Variants in ALK observed in about 807,000 individuals in gnomAD.
ALK encodes the protein ALK tyrosine kinase receptor.
A neutral mutation model predicts 163.1 loss-of-function variants in ALK; 74 were observed. That is an observed-to-expected ratio of 0.45 (90% CI 0.38 to 0.55). The LOEUF (loss-of-function observed/expected upper bound fraction) is 0.55. ALK is among the 20% of genes least tolerant of loss of function. ALK has a pLI of 0.00. For synonymous variants in ALK, 960 were observed against 843.2 expected, an observed-to-expected ratio of 1.14 and a Z score of -2.40; for missense variants, 2,063 against 2,105.3, an observed-to-expected ratio of 0.98 and a Z score of 0.39.
chr2:29,233,712 G>A lies in ALK; in HGVS notation c.2356-16C>T, dbSNP rs551864909. 138 of 1,614,198 alleles carry A rather than the reference G, an allele frequency of 8.5e-5. 3 individuals are homozygous for A. In the South Asian group the frequency reaches 1.5e-3, roughly 18 times the overall value. On this transcript the variant is annotated splice_polypyrimidine_tract_variant and intron_variant, in intron 13 of 28. Coordinates refer to ENST00000389048, the MANE Select transcript of ALK (RefSeq NM_004304.5). ...ACTGGTTTGTCTGTAGAAACAAAAA[G>A]CACGTTAGGTTTGTGGCCAAACCAG... is the stretch of plus-strand genomic sequence containing the variant.
At chr2:29,221,992 G>A (rs1397729219) in intron 22 of ALK, among the ~76,000 whole-genome samples, 3 of 152,224 alleles carry the variant, frequency 2.0e-5, no homozygotes, top group Non-Finnish European at 1.5e-5. Flanking sequence ...ACTGGGATTG[G>A]TGAAGGGTCT....
At chr2:29,329,408 G>A (rs935606209) in intron 5 of ALK, among the ~76,000 whole-genome samples, 1 of 152,218 alleles carries the variant, frequency 6.6e-6, no homozygotes, top group South Asian at 2.1e-4. Flanking sequence ...CTGCTACTCA[G>A]TTCTTGGCTG....
At chr2:29,284,982 A>C (rs767072387) in intron 9 of ALK, among the ~76,000 whole-genome samples, 8 of 152,264 alleles carry the variant, frequency 5.3e-5, no homozygotes, top group Middle Eastern at 3.4e-3. Context: ...TACCCTGCCA[A>C]CCTTAGGGAT....
At chr2:29,325,032 C>T (rs1458614894) in intron 6 of ALK, among the ~76,000 whole-genome samples, 12 of 152,158 alleles carry the variant, frequency 7.9e-5, no homozygotes, top group African/African-American at 2.7e-4. Flanking sequence ...GTTTGCAGCC[C>T]CAGCATGTGC....
At chr2:29,895,076 A>G (rs1667235563) in intron 1 of ALK, among the ~76,000 whole-genome samples, 1 of 152,210 alleles carries the variant, frequency 6.6e-6, no homozygotes, top group Non-Finnish European at 1.5e-5. Context: ...TGTCATCATT[A>G]TCCATAATGT....
intron 2 of ALK, among the ~76,000 whole-genome samples, chr2:29,703,927 T>G (rs888037939): frequency 1.3e-5 from 2 of 152,160 alleles, no homozygotes; most frequent in African/African-American, 4.8e-5. Flanking sequence ...GTTGCAGAAG[T>G]CTTTCTGAAT....
intron 5 of ALK, among the ~76,000 whole-genome samples, chr2:29,382,841 G>A (rs1373264743): frequency 6.6e-6 from 1 of 152,130 alleles, no homozygotes; most frequent in African/African-American, 2.4e-5. Flanking sequence ...AACCAGTTTT[G>A]ATTAAACAAC....
At chr2:29,852,155 T>C (rs1052833405) in intron 1 of ALK, among the ~76,000 whole-genome samples, 9 of 152,198 alleles carry the variant, frequency 5.9e-5, no homozygotes, top group South Asian at 2.1e-4. Flanking sequence ...TCCAATGACC[T>C]GTGGCACAGA....
chr2:29,710,372 C>T (rs996484048), intron 2 of ALK, among the ~76,000 whole-genome samples: 1 of 152,148 alleles, frequency 6.6e-6, no homozygotes, highest in Non-Finnish European at 1.5e-5. Flanking sequence ...TGGTTCTCCT[C>T]CTGTCTCCCA....
rs1033912286 is a variant in ALK, at chr2:29,473,968, A to C, written c.1154+57947T>G. On this transcript the variant is annotated intron_variant, in intron 4 of 28. Transcript: ENST00000389048. ...GTTGAGACTATGGAGCACATTCTCA[A>C]TACATTGCTGGGAGGAGTTAAGTTG... Among the ~76,000 whole-genome samples, 3 of 152,362 alleles carry C rather than the reference A, an allele frequency of 2.0e-5. No individual in the cohort carries two copies. In the South Asian group the frequency reaches 6.2e-4, roughly 32 times the overall value.
chr2:29,614,490 CT>C (rs977944284), intron 3 of ALK, among the ~76,000 whole-genome samples: 1 of 152,224 alleles, frequency 6.6e-6, no homozygotes, highest in Non-Finnish European at 1.5e-5. Flanking sequence ...AGATTCCCCT[CT>C]CTGTAGACTG....
Position 29,226,983 on chromosome 2 carries a change from G to A in ALK, c.3006C>T (p.His1002=). 2 of 1,614,224 alleles carry A rather than the reference G, an allele frequency of 1.2e-6. No individual in the cohort carries two copies. The highest frequency in any genetic ancestry group is 1.7e-6 in the Non-Finnish European group (2 of 1,180,042). The change falls in exon 18 of 29, where the codon CAC becomes CAT. Residue 1002 remains histidine (H), a synonymous_variant. Coordinates refer to ENST00000389048, the MANE Select transcript of ALK (RefSeq NM_004304.5). ...CGTGGTCACAGAAGCAGATGACCTT[G>A]TGGCTTTCAGGGTCCATGTGACATT... ...VDECHMDPES[H]KVICFCDHGT... is the part of the protein sequence containing the mutation.
Position 29,592,727 on chromosome 2 carries a change from C to G in ALK, c.953-60611G>C, listed in dbSNP as rs114594275. Among the ~76,000 whole-genome samples, 754 of 152,296 alleles carry G rather than the reference C, an allele frequency of 5.0e-3. 3 individuals are homozygous for G. The highest frequency in any genetic ancestry group is 0.017 in the African/African-American group (726 of 41,556). On this transcript the variant is annotated intron_variant, in intron 3 of 28. Coordinates refer to ENST00000389048, the MANE Select transcript of ALK (RefSeq NM_004304.5). ...CTGCAAGGGAGACCTTGTGTGGTAA[C>G]AGCGTCTTTGCAGATGTAATTAAGC...
At chr2:29,778,463 G>T (rs895161379) in intron 1 of ALK, among the ~76,000 whole-genome samples, 15 of 152,204 alleles carry the variant, frequency 9.9e-5, no homozygotes, top group African/African-American at 3.1e-4. Flanking sequence ...AGGAGGTGGA[G>T]TTCTGTGTGC....
chr2:29,224,077 G>T (rs1388403713), intron 19 of ALK, among the ~76,000 whole-genome samples: 1 of 152,230 alleles, frequency 6.6e-6, no homozygotes, highest in Admixed American at 6.5e-5. Flanking sequence ...GAATTGGCCT[G>T]CCTTAGTATT....
At chr2:29,437,989 C>T (rs1459176210) in intron 4 of ALK, among the ~76,000 whole-genome samples, 1 of 152,108 alleles carries the variant, frequency 6.6e-6, no homozygotes, top group Admixed American at 6.6e-5. Context: ...TATATTAATA[C>T]TCATTTTCCA....
chr2:29,766,893 C>A (rs548605423), intron 1 of ALK, among the ~76,000 whole-genome samples: 1 of 152,200 alleles, frequency 6.6e-6, no homozygotes, highest in African/African-American at 2.4e-5. Context: ...TCCTCACTTT[C>A]CCAGAGCCTG....
chr2:29,471,992 C>T (rs1026029415), intron 4 of ALK, among the ~76,000 whole-genome samples: 1 of 152,192 alleles, frequency 6.6e-6, no homozygotes, highest in Non-Finnish European at 1.5e-5. Flanking sequence ...ATCCACCCAC[C>T]GTGGCCTCCC....
chr2:29,331,406 T>G (rs1573242606), intron 5 of ALK, among the ~76,000 whole-genome samples: 2 of 152,050 alleles, frequency 1.3e-5, no homozygotes, highest in East Asian at 3.9e-4. Flanking sequence ...GATTTGGGGG[T>G]CCTGGAATCA....
Sources: gnomAD v4.1 joint callset for allele counts (sites outside exome capture counted in the v4.1 genomes callset) on GRCh38, gnomAD v4.1.1 for gene constraint, MANE v1.5 for transcripts, NCBI Gene and HGNC (gene_info 2026-07-23, HGNC 2026-07-21) for gene names.